KCTD16: variants seen among roughly 807,000 people sequenced by gnomAD.
The protein encoded by KCTD16 is potassium channel tetramerization domain containing 16.
A neutral mutation model predicts 33.2 loss-of-function variants in KCTD16; 13 were observed. The observed-to-expected ratio is 0.39, with a 90% confidence interval of 0.25 to 0.62. The LOEUF (loss-of-function observed/expected upper bound fraction) is 0.62. Among genes scored for constraint, KCTD16 ranks in the 20% least tolerant of loss-of-function variants. The pLI is 0.50. For missense variants in KCTD16, 441 were observed against 525.1 expected (o/e 0.84, Z 1.57); for synonymous variants, 197 against 195.3 (o/e 1.01, Z -0.07).
At chr5:144,253,931 A>G (rs1014434426) in intron 3 of KCTD16, among the ~76,000 whole-genome samples, 1 of 152,162 alleles carries the variant, frequency 6.6e-6, no homozygotes, top group Admixed American at 6.5e-5. Context: ...TTCCAGGGGT[A>G]AAAAATAAAA....
At chr5:144,451,090 CA>C (rs1435012602) in intron 3 of KCTD16, among the ~76,000 whole-genome samples, 1 of 151,980 alleles carries the variant, frequency 6.6e-6, no homozygotes, top group Non-Finnish European at 1.5e-5. Context: ...TTTTATATAC[CA>C]GTTATACTTC....
intron 3 of KCTD16, among the ~76,000 whole-genome samples, chr5:144,449,989 C>G (rs868496572): frequency 6.6e-6 from 1 of 151,808 alleles, no homozygotes; most frequent in South Asian, 2.1e-4. Context: ...GCAAAGGAAA[C>G]GATTAGCAGA....
At chr5:144,255,563 C>T (rs969864419) in intron 3 of KCTD16, among the ~76,000 whole-genome samples, 5 of 152,068 alleles carry the variant, frequency 3.3e-5, no homozygotes, top group African/African-American at 4.8e-5. Context: ...TTTTTATTTG[C>T]GTTTTTCTGA....
intron 3 of KCTD16, among the ~76,000 whole-genome samples, chr5:144,454,015 G>A (rs924751584): frequency 6.6e-6 from 1 of 152,046 alleles, no homozygotes; most frequent in African/African-American, 2.4e-5. Context: ...ATGGAATAAA[G>A]GGTGATTAAC....
intron 2 of KCTD16, among the ~76,000 whole-genome samples, chr5:144,188,004 C>G (rs1752763540): frequency 6.6e-6 from 1 of 152,142 alleles, no homozygotes; most frequent in African/African-American, 2.4e-5. Flanking sequence ...CTGAGCCTAG[C>G]TTAGACATAG....
rs775192743 is a variant in KCTD16 at position 144,468,420 on chromosome 5, G to T, written c.833-5240G>T. ...GTGGCTAGTTTAACTGTCTGTTCTT[G>T]CCCGTACTAACCATCTCTCAATAGA... is the stretch of plus-strand genomic sequence containing the variant. On this transcript the variant is annotated intron_variant, in intron 3 of 3. Transcript: ENST00000512467. Among the ~76,000 whole-genome samples, 23 of 152,076 alleles carry T rather than the reference G, an allele frequency of 1.5e-4. 1 individual carries two copies. The highest frequency in any genetic ancestry group is 9.8e-4 in the Admixed American group (15 of 15,252).
intron 3 of KCTD16, among the ~76,000 whole-genome samples, chr5:144,340,424 A>G (rs1177850384): frequency 6.8e-6 from 1 of 147,900 alleles, no homozygotes; most frequent in Non-Finnish European, 1.5e-5. Context: ...AAAAAAAAAA[A>G]TCATGATCTG....
At chr5:144,310,820 A>G (rs1325693566) in intron 3 of KCTD16, among the ~76,000 whole-genome samples, 1 of 152,084 alleles carries the variant, frequency 6.6e-6, no homozygotes, top group Non-Finnish European at 1.5e-5. Context: ...ACTGAAATTC[A>G]CTGACAGACC....
chr5:144,299,289 A>G (rs1286896487), intron 3 of KCTD16, among the ~76,000 whole-genome samples: 10 of 150,888 alleles, frequency 6.6e-5, no homozygotes, highest in Non-Finnish European at 1.5e-4. Context: ...AAGAAGGGAA[A>G]CAAGTCCACT....
intron 3 of KCTD16, among the ~76,000 whole-genome samples, chr5:144,370,849 A>G (rs1277283498): frequency 6.6e-6 from 1 of 152,134 alleles, no homozygotes; most frequent in Admixed American, 6.5e-5. Context: ...CTTAAAAGCT[A>G]TAGGGGATTC....
intron 3 of KCTD16, among the ~76,000 whole-genome samples, chr5:144,372,821 C>G (rs763729006): frequency 7.9e-5 from 12 of 152,152 alleles, no homozygotes; most frequent in Non-Finnish European, 1.2e-4. Flanking sequence ...ATGGCAGGCC[C>G]TTTGGAGGGC....
intron 3 of KCTD16, among the ~76,000 whole-genome samples, chr5:144,383,545 GAAAA>G (rs36080142): frequency 6.9e-6 from 1 of 145,548 alleles, no homozygotes; most frequent in Non-Finnish European, 1.5e-5. Context: ...GAGGGTGAAG[GAAAA>G]AAAAAAAAAG....
At chr5:144,395,954 G>C (rs1752559270) in intron 3 of KCTD16, among the ~76,000 whole-genome samples, 1 of 152,206 alleles carries the variant, frequency 6.6e-6, no homozygotes, top group Admixed American at 6.5e-5. Flanking sequence ...ATATCTGTTA[G>C]TTTATGTATA....
At chr5:144,471,476 T>C (rs1754472326) in intron 3 of KCTD16, among the ~76,000 whole-genome samples, 1 of 152,202 alleles carries the variant, frequency 6.6e-6, no homozygotes, top group Admixed American at 6.5e-5. Context: ...TTCTACACTT[T>C]TCCAAAAAGG....
intron 3 of KCTD16, among the ~76,000 whole-genome samples, chr5:144,219,587 C>T (rs1447855232): frequency 2.2e-5 from 3 of 139,010 alleles, no homozygotes; most frequent in South Asian, 2.3e-4. Context: ...ATGGCGCGAT[C>T]TCGGCTCACT....
intron 2 of KCTD16, among the ~76,000 whole-genome samples, chr5:144,189,181 T>C (rs189350027): frequency 1.3e-3 from 198 of 152,272 alleles, no homozygotes; most frequent in African/African-American, 4.4e-3. Flanking sequence ...TGTACTGTTT[T>C]GAAATTTGGA....
Position 144,471,004 on chromosome 5 carries a change from C to A in KCTD16, c.833-2656C>A, listed in dbSNP as rs114379934. 5.3e-3 allele frequency among the ~76,000 whole-genome samples: 810 copies of A among 152,184 alleles called. 7 individuals are homozygous for A. Among genetic ancestry groups the A allele is most frequent in the African/African-American group, 0.019 (775 of 41,542 alleles). On this transcript the variant is annotated intron_variant, in intron 3 of 3. Transcript: ENST00000512467. ...AAGACAAGCCTGGCTATGGTGAAAC[C>A]GCCTCTCTACTGAACATACCAAAAA...
intron 3 of KCTD16, among the ~76,000 whole-genome samples, chr5:144,282,729 T>C (rs1755639856): frequency 6.6e-6 from 1 of 152,214 alleles, no homozygotes; most frequent in Non-Finnish European, 1.5e-5. Flanking sequence ...CTGAGTCTAC[T>C]ATGTCTAATA....
At chr5:144,213,918 G>A (rs542331736) in intron 3 of KCTD16, among the ~76,000 whole-genome samples, 8 of 152,128 alleles carry the variant, frequency 5.3e-5, no homozygotes, top group Non-Finnish European at 1.0e-4. Flanking sequence ...GTGCTGCAGT[G>A]GTAGCCTGCT....
Sources: gnomAD v4.1 joint callset for allele counts (sites outside exome capture counted in the v4.1 genomes callset) on GRCh38, gnomAD v4.1.1 for gene constraint, MANE v1.5 for transcripts, NCBI Gene and HGNC (gene_info 2026-07-23, HGNC 2026-07-21) for gene names.